CHN2: variants seen among roughly 807,000 people sequenced by gnomAD.
CHN2 encodes chimerin 2, also known as beta-chimaerin.
Under a neutral mutation model 56.3 loss-of-function variants are expected in CHN2, and 35 were observed. The observed-to-expected ratio is 0.62, with a 90% CI of 0.47 to 0.82. CHN2 has a LOEUF of 0.82. CHN2 is among the 40% of genes least tolerant of loss of function. The pLI is 0.00. For synonymous variants in CHN2, 210 were observed against 212.8 expected (o/e 0.99, Z 0.12); for missense variants, 491 against 580.5 (o/e 0.85, Z 1.58).
intron 2 of CHN2, among the ~76,000 whole-genome samples, chr7:29,172,883 C>T (rs1201220139): frequency 2.0e-5 from 3 of 152,016 alleles, no homozygotes; most frequent in East Asian, 1.9e-4. Context: ...AGCTCACCAG[C>T]GTTTTGGGAG....
At chr7:29,173,677 T>A (rs761473582) in intron 2 of CHN2, among the ~76,000 whole-genome samples, 36 of 151,366 alleles carry the variant, frequency 2.4e-4, no homozygotes, top group Non-Finnish European at 4.0e-4. Context: ...AATATTTTTT[T>A]AAAAATAATG....
intron 6 of CHN2, chr7:29,479,739 AAGG>A: frequency 8.0e-6 from 9 of 1,121,850 alleles, no homozygotes; most frequent in Non-Finnish European, 9.9e-6. Flanking sequence ...ATGTGCTAAT[AAGG>A]AGGAGAGACC....
At chr7:29,419,202 C>T (rs940521186) in intron 6 of CHN2, among the ~76,000 whole-genome samples, 3 of 152,098 alleles carry the variant, frequency 2.0e-5, no homozygotes, top group African/African-American at 7.2e-5. Context: ...TAATCACCAC[C>T]AATTTACACC....
chr7:29,460,937 A>G (rs1255098158), intron 6 of CHN2, among the ~76,000 whole-genome samples: 1 of 152,204 alleles, frequency 6.6e-6, no homozygotes. Context: ...GGTTGCTTAG[A>G]TAGATGCTTA....
At chr7:29,386,311 C>T (rs1800911497) in intron 3 of CHN2, among the ~76,000 whole-genome samples, 1 of 152,086 alleles carries the variant, frequency 6.6e-6, no homozygotes. Context: ...GAAATTGCCC[C>T]AGTATCACCA....
chr7:29,233,222 A>G (rs1786858038), intron 1 of CHN2, among the ~76,000 whole-genome samples: 1 of 152,230 alleles, frequency 6.6e-6, no homozygotes, highest in Non-Finnish European at 1.5e-5. Context: ...AGTGATAATC[A>G]TATCACCTAA....
At chr7:29,259,131 C>T (rs914173004) in intron 1 of CHN2, among the ~76,000 whole-genome samples, 4 of 151,900 alleles carry the variant, frequency 2.6e-5, no homozygotes, top group Non-Finnish European at 5.9e-5. Flanking sequence ...CGTTTGAGAC[C>T]AGCCTGGGTA....
intron 1 of CHN2, among the ~76,000 whole-genome samples, chr7:29,243,219 C>A (rs1231628528): frequency 6.6e-6 from 1 of 151,842 alleles, no homozygotes; most frequent in Non-Finnish European, 1.5e-5. Context: ...ACTCCAAGAA[C>A]AAAAAAAGCA....
intron 3 of CHN2, among the ~76,000 whole-genome samples, chr7:29,368,252 G>A (rs971480022): frequency 1.3e-5 from 2 of 152,044 alleles, no homozygotes; most frequent in African/African-American, 4.8e-5. Flanking sequence ...ACCAAAAAAT[G>A]TGTATTCTGG....
At chr7:29,200,034 G>A (rs952114512) in intron 1 of CHN2, 1 of 152,280 alleles carries the variant, frequency 6.6e-6, no homozygotes, top group Non-Finnish European at 1.5e-5. Flanking sequence ...AATGGTGGAA[G>A]CAACTGGACA....
intron 1 of CHN2, among the ~76,000 whole-genome samples, chr7:29,252,171 C>T (rs1359108451): frequency 4.7e-5 from 7 of 147,938 alleles, no homozygotes; most frequent in Non-Finnish European, 1.0e-4. Flanking sequence ...AAACCTACCA[C>T]ATAAGATTAT....
At chr7:29,267,148 C>G (rs1308374891) in intron 1 of CHN2, among the ~76,000 whole-genome samples, 1 of 152,152 alleles carries the variant, frequency 6.6e-6, no homozygotes, top group Non-Finnish European at 1.5e-5. Context: ...CCTGCATTCT[C>G]CCCAGCAGGC....
intron 6 of CHN2, among the ~76,000 whole-genome samples, chr7:29,445,684 G>T (rs1217857054): frequency 6.6e-6 from 1 of 151,664 alleles, no homozygotes; most frequent in Non-Finnish European, 1.5e-5. Context: ...TTTGCTTTTT[G>T]TTGGGGGTTC....
intron 1 of CHN2, among the ~76,000 whole-genome samples, chr7:29,239,294 A>C (rs1280367368): frequency 3.3e-5 from 5 of 152,138 alleles, no homozygotes; most frequent in Non-Finnish European, 5.9e-5. Flanking sequence ...AATAATCTTA[A>C]AGTTGTTGAC....
Position 29,473,101 on chromosome 7 carries a change from C to A in CHN2, c.577-7178C>A, listed in dbSNP as rs182918937. Among the ~76,000 whole-genome samples the A allele has an allele frequency of 4.3e-3, 662 of 152,362 alleles. 7 individuals are homozygous for A. Among genetic ancestry groups the A allele is most frequent in the Admixed American group, 0.033 (501 of 15,308 alleles). ...GAAAGGTGGCAGGGGCCAGACCCCA[C>A]AAGCCCCTGCAGGGCATGGTATGGA... On this transcript the variant is annotated intron_variant, in intron 6 of 12. Coordinates refer to ENST00000222792, the MANE Select transcript of CHN2 (RefSeq NM_004067.4).
chr7:29,427,805 C>T (rs954002950), intron 6 of CHN2, among the ~76,000 whole-genome samples: 3 of 151,844 alleles, frequency 2.0e-5, no homozygotes, highest in Non-Finnish European at 4.4e-5. Flanking sequence ...TACAGGCATG[C>T]ACCACCATGC....
At chr7:29,499,531 A>C (rs1415548022) in intron 8 of CHN2, among the ~76,000 whole-genome samples, 2 of 152,182 alleles carry the variant, frequency 1.3e-5, no homozygotes, top group Non-Finnish European at 2.9e-5. Flanking sequence ...GGGAATCCAA[A>C]CCCGAAAACC....
At chr7:29,168,079 T>C (rs1464925882) in intron 2 of CHN2, among the ~76,000 whole-genome samples, 3 of 152,330 alleles carry the variant, frequency 2.0e-5, no homozygotes, top group African/African-American at 7.2e-5. Context: ...TGGGTGTTGG[T>C]GGCAACAATA....
chr7:29,197,946 A>G (rs1208211440), intron 1 of CHN2: 2 of 456,340 alleles, frequency 4.4e-6, no homozygotes, highest in South Asian at 3.1e-5. Context: ...AAGACATTTC[A>G]GGAAGAGAGA....
Sources: allele counts gnomAD v4.1 joint callset (sites outside exome capture counted in the v4.1 genomes callset), GRCh38; gene constraint gnomAD v4.1.1; transcripts MANE v1.5; gene names NCBI Gene and HGNC (gene_info 2026-07-23, HGNC 2026-07-21).